Variants in BRD1 observed in about 807,000 individuals in gnomAD.
The protein encoded by BRD1 is bromodomain containing 1.
In BRD1, 24 loss-of-function variants were observed where a neutral mutation model predicts 107.7. That is an observed-to-expected ratio of 0.22 (90% CI 0.16 to 0.31). The LOEUF is 0.31. Ranked by LOEUF, BRD1 falls within the 10% of genes least tolerant of loss-of-function variation. The pLI is 1.00. For missense variants in BRD1, 1,279 were observed against 1,638.6 expected (o/e 0.78, Z 3.79); for synonymous variants, 744 against 686.1 (o/e 1.08, Z -1.32).
At chr22:49,797,246 G>A (rs2059551836) in intron 6 of BRD1, among the ~76,000 whole-genome samples, 1 of 152,210 alleles carries the variant, frequency 6.6e-6, no homozygotes, top group Admixed American at 6.5e-5. Context: ...GTCCAGGTGG[G>A]CCGTGGACAC....
chr22:49,808,740 A>G (rs567413705), intron 2 of BRD1, among the ~76,000 whole-genome samples: 1 of 152,358 alleles, frequency 6.6e-6, no homozygotes, highest in South Asian at 2.1e-4. Flanking sequence ...CAGAGAGTTA[A>G]ATGGAATGTG....
Position 49,813,531 on chromosome 22 carries a change from T to C in BRD1, c.1368-9171A>G, listed in dbSNP as rs566564783. ...GCCACCACACCCAGCCTTTTATTTT[T>C]ATTAAAAAAATTTTTGGCCAGGAGC... On this transcript the variant is annotated intron_variant, in intron 2 of 12. Coordinates refer to ENST00000404760, the MANE Select transcript of BRD1 (RefSeq NM_001304808.3). 4.0e-5 allele frequency among the ~76,000 whole-genome samples: 6 copies of C among 151,312 alleles called. No homozygotes were observed. The South Asian group carries it at 1.3e-3, about 32-fold the overall frequency.
chr22:49,796,954 G>C (rs2059545921), intron 6 of BRD1, among the ~76,000 whole-genome samples: 1 of 152,244 alleles, frequency 6.6e-6, no homozygotes. Flanking sequence ...GGTAGGCCAA[G>C]AAATCAGGGA....
In BRD1 at chr22:49,776,032, C is replaced by A. The variant is rs1359733047; in HGVS notation, c.3231+18G>T. On this transcript the variant is annotated intron_variant, in intron 11 of 12. Transcript: ENST00000404760. ...GAGCCTCCTCTGGACCCGCAGGCGC[C>A]ACGAGAGCCGTACTCACCAGTGCCG... 1.9e-6 allele frequency: 3 copies of A among 1,598,694 alleles called. No individual in the cohort carries two copies. The East Asian group carries it at 6.7e-5, about 36-fold the overall frequency.
intron 9 of BRD1, 123 bp from the exon 10 acceptor site, chr22:49,777,284 C>G: frequency 6.8e-7 from 1 of 1,469,814 alleles, no homozygotes; most frequent in South Asian, 1.3e-5. Flanking sequence ...CCCCCGCGGC[C>G]AGACGGGCCT....
At chr22:49,778,957 G>A (rs569401315) in intron 8 of BRD1, among the ~76,000 whole-genome samples, 8 of 152,140 alleles carry the variant, frequency 5.3e-5, no homozygotes, top group African/African-American at 1.4e-4. Flanking sequence ...CATGACACCC[G>A]GCCATGTGAA....
At position 49,823,460 on chromosome 22, in the gene BRD1, G is replaced by A. The variant is rs777552739; in HGVS notation, c.858C>T (p.Asp286=). The part of the protein sequence containing the change: ...NKGGAFKKTD[D]DRWGHVVCAL... ...CACACACCACGTGACCCCAGCGGTCGTCATCTGTCTTTTTGAAGGCACCAC... is the reference window on the plus strand; with the variant it reads ...CACACACCACGTGACCCCAGCGGTCATCATCTGTCTTTTTGAAGGCACCAC... Residue 286 remains aspartate (D), a synonymous_variant, in exon 2 of 13, where the codon GAC becomes GAT. Transcript: ENST00000404760. 32 of 1,609,790 alleles carry A rather than the reference G, an allele frequency of 2.0e-5. No homozygotes were observed. Among genetic ancestry groups the A allele is most frequent in the South Asian group, 8.8e-5 (8 of 91,088 alleles).
rs146008173 is a variant in BRD1, at chr22:49,803,233, G to GCCACCGCA, written c.1524+963_1524+970dup. Among the ~76,000 whole-genome samples the GCCACCGCA allele has an allele frequency of 0.014, 2,140 of 152,332 alleles. 48 individuals carry two copies. The highest frequency in any genetic ancestry group is 0.05 in the African/African-American group (2,058 of 41,574). On this transcript the variant is annotated intron_variant, in intron 3 of 12. Coordinates refer to ENST00000404760, the MANE Select transcript of BRD1 (RefSeq NM_001304808.3). The surrounding 1 kb of genome is among the most constrained non-coding windows in gnomAD (Gnocchi z 4.4). ...AGTCTGCGAGGCAGAGACAGCACCG[G>GCCACCGCA]CCACCGCACCACCGCACGGGGACCC...
rs745394429 is a variant in BRD1, at chr22:49,777,702, C to T, written c.2969G>A (p.Ser990Asn). 1.2e-6 allele frequency: 2 copies of T among 1,608,330 alleles called. No individual in the cohort carries two copies. The highest frequency in any genetic ancestry group is 1.3e-5 in the African/African-American group (1 of 75,006). Residue 990 changes from serine to asparagine, a missense_variant, in exon 9 of 13, where the codon AGC becomes AAC. Physicochemically the swap from Ser to Asn is conservative, Grantham distance 46 (BLOSUM62 1). Transcript: ENST00000404760. ...CCTCGAGTCGCAGAGCGGGCTGTTG[C>T]TGGAGGAGATGCTGGACTCGGAGGC... ...RCASESSISS[S>N]NSPLCDSSFN... is the part of the protein sequence containing the mutation.
chr22:49,777,794 C>A lies in BRD1; in HGVS notation c.2877G>T (p.Gly959=). The A allele has an allele frequency of 1.2e-6, 2 of 1,602,770 alleles. No individual in the cohort carries two copies. Among genetic ancestry groups the A allele is most frequent in the Non-Finnish European group, 1.7e-6 (2 of 1,177,856 alleles). The part of the protein sequence containing the change: ...RLDAGLTNGF[G]GARSEQEPGG... The stretch of plus-strand genomic sequence containing the variant: ...CCGGCTCCTGCTCGCTCCTCGCACC[C>A]CCAAAGCCGTTGGTGAGACCTGGAA... The change falls in exon 9 of 13, where the codon GGG becomes GGT. Residue 959 remains glycine, a synonymous_variant. Transcript: ENST00000404760.
chr22:49,779,155 T>A (rs1420675542), intron 8 of BRD1, among the ~76,000 whole-genome samples: 1 of 152,088 alleles, frequency 6.6e-6, no homozygotes, highest in Admixed American at 6.5e-5. Context: ...CACTGCAACC[T>A]TGACCTCCTG....
chr22:49,820,372 C>T (rs1019179394), intron 2 of BRD1, among the ~76,000 whole-genome samples: 3 of 152,068 alleles, frequency 2.0e-5, no homozygotes, highest in Non-Finnish European at 4.4e-5. Flanking sequence ...GGTCCTACAC[C>T]GGAGCCATTG....
At chr22:49,815,473 G>T (rs529762385) in intron 2 of BRD1, among the ~76,000 whole-genome samples, 2 of 152,070 alleles carry the variant, frequency 1.3e-5, no homozygotes, top group South Asian at 2.1e-4. Flanking sequence ...AACCCAGGGG[G>T]CAGAGGTTGC....
intron 10 of BRD1, among the ~76,000 whole-genome samples, chr22:49,776,529 G>A (rs1313373052): frequency 2.6e-5 from 4 of 152,188 alleles, no homozygotes; most frequent in African/African-American, 9.7e-5. Flanking sequence ...GGAAACCAAA[G>A]TCCTGGCTCC....
chr22:49,778,640 G>A (rs1313718242), intron 8 of BRD1, among the ~76,000 whole-genome samples: 1 of 152,208 alleles, frequency 6.6e-6, no homozygotes, highest in Non-Finnish European at 1.5e-5. Flanking sequence ...CCCTCTGGGT[G>A]TCAGAGCTAA....
chr22:49,814,043 G>A (rs373436136), intron 2 of BRD1, among the ~76,000 whole-genome samples: 1 of 152,036 alleles, frequency 6.6e-6, no homozygotes, highest in East Asian at 1.9e-4. Context: ...ACACACTGAC[G>A]GGTGCACGAA....
chr22:49,794,018 C>G lies in BRD1; in HGVS notation c.2359+16G>C. 6.2e-7 allele frequency: 1 copy of G among 1,605,502 alleles called. No homozygotes were observed. Among genetic ancestry groups the G allele is most frequent in the Non-Finnish European group, 8.5e-7 (1 of 1,175,968 alleles). On this transcript the variant is annotated intron_variant, in intron 7 of 12. Coordinates refer to ENST00000404760, the MANE Select transcript of BRD1 (RefSeq NM_001304808.3). ...CGTGACGGCAAGAAAGCGGGGCAGC[C>G]CTCACCGTGGCTTACCTTCCTCGCC...
intron 8 of BRD1, among the ~76,000 whole-genome samples, chr22:49,781,039 T>C (rs1047509070): frequency 1.3e-5 from 2 of 152,182 alleles, no homozygotes; most frequent in East Asian, 1.9e-4. Context: ...AGCTGGTGAC[T>C]GTGAGAAATA....
At chr22:49,796,362 CT>C (rs762043219) in intron 6 of BRD1, among the ~76,000 whole-genome samples, 107 of 137,430 alleles carry the variant, frequency 7.8e-4, no homozygotes, top group South Asian at 1.4e-3. Context: ...TCTCTTTTTT[CT>C]TTTTTTTTTT....
Sources: gnomAD v4.1 joint callset for allele counts (sites outside exome capture counted in the v4.1 genomes callset) on GRCh38, gnomAD v4.1.1 for gene constraint, Gnocchi (gnomAD v3.1) non-coding constraint, MANE v1.5 for transcripts, NCBI Gene and HGNC (gene_info 2026-07-23, HGNC 2026-07-21) for gene names.